The following ROBO2 variants were observed in gnomAD, a reference collection of about 807,000 sequenced individuals.
ROBO2 encodes roundabout guidance receptor 2.
ROBO2 carries 53 observed loss-of-function variants against 160.8 expected under a neutral mutation model. That is an observed-to-expected ratio of 0.33 (90% CI 0.26 to 0.41). The LOEUF (loss-of-function observed/expected upper bound fraction) is 0.41. ROBO2 is among the 10% of genes least tolerant of loss of function. ROBO2 has a pLI of 1.00. For missense variants in ROBO2, 1,577 were observed against 1,722.4 expected (o/e 0.92, Z 1.49); for synonymous variants, 664 against 611.7 (o/e 1.09, Z -1.26).
At chr3:76,321,622 A>C (rs376051620) in intron 2 of ROBO2, among the ~76,000 whole-genome samples, 56 of 152,326 alleles carry the variant, frequency 3.7e-4, no homozygotes, top group African/African-American at 1.3e-3. Context: ...CATTCAACCC[A>C]GGTAAACTGT....
At chr3:76,682,914 G>A (rs568020644) in intron 2 of ROBO2, among the ~76,000 whole-genome samples, 1 of 152,080 alleles carries the variant, frequency 6.6e-6, no homozygotes, top group Non-Finnish European at 1.5e-5. Flanking sequence ...CTGGCGCTCA[G>A]AAGAAAGGGC....
intron 2 of ROBO2, among the ~76,000 whole-genome samples, chr3:77,448,378 C>T (rs569402648): frequency 4.6e-4 from 70 of 152,256 alleles, no homozygotes; most frequent in Non-Finnish European, 8.8e-4. Context: ...TTTGGCCATT[C>T]AGCTTCAGTA....
chr3:76,278,952 T>G (rs1708084553), intron 2 of ROBO2, among the ~76,000 whole-genome samples: 1 of 151,938 alleles, frequency 6.6e-6, no homozygotes, highest in Non-Finnish European at 1.5e-5. Context: ...TGATTCTATT[T>G]GATACTCATA....
At chr3:76,977,393 A>T (rs959580744) in intron 2 of ROBO2, among the ~76,000 whole-genome samples, 3 of 152,194 alleles carry the variant, frequency 2.0e-5, no homozygotes, top group Non-Finnish European at 2.9e-5. Flanking sequence ...AAATATCTTT[A>T]AAAGGTTATA....
exon 26 of ROBO2, chr3:77,647,061 TA>T (rs2095417420): frequency 6.6e-6 from 1 of 152,530 alleles, no homozygotes; most frequent in Admixed American, 6.6e-5. Context: ...AACTCTAGAA[TA>T]TCTAGCAAAT....
intron 2 of ROBO2, among the ~76,000 whole-genome samples, chr3:77,398,154 A>G (rs989865786): frequency 1.3e-5 from 2 of 152,152 alleles, no homozygotes; most frequent in African/African-American, 4.8e-5. Flanking sequence ...AGCCAATTAT[A>G]TGAGCTTCTG....
chr3:76,162,315 T>C (rs1459824804), intron 2 of ROBO2, among the ~76,000 whole-genome samples: 3 of 152,162 alleles, frequency 2.0e-5, no homozygotes, highest in Admixed American at 2.0e-4. Flanking sequence ...TGTTTCATTT[T>C]ATTTATTTTT....
chr3:76,993,132 T>C (rs1406614729), intron 2 of ROBO2, among the ~76,000 whole-genome samples: 6 of 152,084 alleles, frequency 3.9e-5, no homozygotes, highest in Admixed American at 6.6e-5. Context: ...ATCTCGAAAG[T>C]TTTTAAGCTA....
intron 2 of ROBO2, among the ~76,000 whole-genome samples, chr3:76,716,263 A>C (rs972288313): frequency 6.6e-6 from 1 of 152,214 alleles, no homozygotes; most frequent in African/African-American, 2.4e-5. Flanking sequence ...TGGAGTCTCT[A>C]TCAAATGGCC....
chr3:77,017,505 G>A (rs1032847454), intron 2 of ROBO2, among the ~76,000 whole-genome samples: 2 of 152,134 alleles, frequency 1.3e-5, no homozygotes, highest in Non-Finnish European at 2.9e-5. Flanking sequence ...CATGAAAAGT[G>A]CACCAGAGCT....
intron 2 of ROBO2, among the ~76,000 whole-genome samples, chr3:77,248,128 C>T (rs182282317): frequency 2.0e-5 from 3 of 152,226 alleles, no homozygotes; most frequent in Middle Eastern, 3.4e-3. Context: ...GACAGCTTAA[C>T]GGTGTAGCTT....
At chr3:76,324,776 T>C (rs752497588) in intron 2 of ROBO2, among the ~76,000 whole-genome samples, 1 of 152,204 alleles carries the variant, frequency 6.6e-6, no homozygotes, top group Non-Finnish European at 1.5e-5. Flanking sequence ...ATGCAATTTC[T>C]CTGTTACCTA....
intron 2 of ROBO2, among the ~76,000 whole-genome samples, chr3:76,212,956 G>T (rs1035840150): frequency 1.3e-4 from 19 of 151,486 alleles, no homozygotes; most frequent in Admixed American, 9.9e-4. Context: ...TTTCTCAAGG[G>T]TAAAGGTGAA....
chr3:75,945,951 T>C (rs1948274496), intron 2 of ROBO2, among the ~76,000 whole-genome samples: 1 of 152,110 alleles, frequency 6.6e-6, no homozygotes, highest in African/African-American at 2.4e-5. Flanking sequence ...CTTTTATCTC[T>C]ACAGTCAAGA....
exon 26 of ROBO2, chr3:77,647,516 T>C (rs2095420502): frequency 6.6e-6 from 1 of 152,166 alleles, no homozygotes; most frequent in African/African-American, 2.4e-5. Flanking sequence ...ACATTAATAA[T>C]TGTCCTGCCT....
chr3:76,791,814 A>T (rs2108740740), intron 2 of ROBO2, among the ~76,000 whole-genome samples: 1 of 151,742 alleles, frequency 6.6e-6, no homozygotes, highest in East Asian at 1.9e-4. Flanking sequence ...TTGGTTGAAT[A>T]GTCACACACA....
chr3:77,216,988 A>G (rs893658737), intron 2 of ROBO2, among the ~76,000 whole-genome samples: 2 of 152,156 alleles, frequency 1.3e-5, no homozygotes, highest in African/African-American at 2.4e-5. Context: ...CAAGACACCA[A>G]GTAATTGATG....
At chr3:76,620,627 G>A (rs990806383) in intron 2 of ROBO2, among the ~76,000 whole-genome samples, 6 of 151,778 alleles carry the variant, frequency 4.0e-5, no homozygotes, top group African/African-American at 1.2e-4. Context: ...AAAACTGCTC[G>A]GTCACCAATA....
intron 2 of ROBO2, among the ~76,000 whole-genome samples, chr3:77,344,921 A>G (rs2067464758): frequency 6.6e-6 from 1 of 152,156 alleles, no homozygotes; most frequent in African/African-American, 2.4e-5. Context: ...AAAGAACATT[A>G]TGATAAATAA....
Sources: allele counts gnomAD v4.1 joint callset (sites outside exome capture counted in the v4.1 genomes callset), GRCh38; gene constraint gnomAD v4.1.1; transcripts MANE v1.5; gene names NCBI Gene and HGNC (gene_info 2026-07-23, HGNC 2026-07-21).